Variants in RELL1 observed in about 807,000 individuals in gnomAD.
RELL1 encodes RELT like 1, also known as RELT-like protein 1.
Under a neutral mutation model 23.0 loss-of-function variants are expected in RELL1, and 10 were observed. The observed-to-expected ratio is 0.43, with a 90% CI of 0.27 to 0.74. RELL1 has a LOEUF of 0.74. Ranked by LOEUF, RELL1 falls within the 30% of genes least tolerant of loss-of-function variation. The pLI, the probability that RELL1 is intolerant of heterozygous loss-of-function variation, is 0.19. For missense variants in RELL1, 315 were observed against 364.4 expected (o/e 0.86, Z 1.10); for synonymous variants, 146 against 146.8 (o/e 0.99, Z 0.04).
At chr4:37,654,095 G>C (rs1721041374) in intron 1 of RELL1, among the ~76,000 whole-genome samples, 1 of 152,208 alleles carries the variant, frequency 6.6e-6, no homozygotes, top group South Asian at 2.1e-4. Context: ...ATATTAATAT[G>C]TAAAGCATTC....
In RELL1 at chr4:37,612,106, G is replaced by A. The variant is rs1719406556; in HGVS notation, c.*1240C>T. ...GCAGGAGAATGGCGTGAACTCAGAA[G>A]GTGGAGCTTGCAGTGAGCTGAGATC... On this transcript the variant is annotated 3_prime_UTR_variant, in exon 7 of 7. Transcript: ENST00000454158. Among the ~76,000 whole-genome samples, 1 of 140,290 alleles carries A rather than the reference G, an allele frequency of 7.1e-6. No individual in the cohort carries two copies. The highest frequency in any genetic ancestry group is 1.5e-5 in the Non-Finnish European group (1 of 66,608). The allele number at this position is 140,290 out of a possible 152,430, so 92.0% of individuals were successfully genotyped here. A position where few individuals can be genotyped will look rare whatever the true frequency, so the allele number is the denominator to read the frequency against.
chr4:37,594,460 C>T (rs192847113), intron 6 of RELL1, among the ~76,000 whole-genome samples: 161 of 152,228 alleles, frequency 1.1e-3, no homozygotes, highest in Non-Finnish European at 1.9e-3. Context: ...AATTGCATCA[C>T]GTGGATATTT....
In RELL1 at chr4:37,686,348, C is replaced by A; in HGVS notation, c.-61G>T. 7.6e-7 allele frequency: 1 copy of A among 1,318,190 alleles called. No homozygotes were observed. The highest frequency in any genetic ancestry group is 1.0e-6 in the Non-Finnish European group (1 of 1,002,536). The allele number at this position is 1,318,190 out of a possible 1,614,324, so 81.7% of individuals were successfully genotyped here. ...GCGTCCCGCGCTCGGGAAGGCAGAG[C>A]CGCTCCGGAGCCGGCGGGCTGATCG... On this transcript the variant is annotated 5_prime_UTR_variant, in exon 1 of 7. Coordinates refer to ENST00000454158, the MANE Select transcript of RELL1 (RefSeq NM_001085400.2).
rs149779234 is a variant in RELL1 at position 37,631,427 on chromosome 4, C to A, written c.777G>T (p.Pro259=). Residue 259 remains proline, a synonymous_variant, in exon 6 of 7, where the codon CCG becomes CCT. Transcript: ENST00000454158. ...SGAETVNGEV[P]ATPVKRERSG... ...TGCGTTCTCTCTTCACAGGTGTTGC[C>A]GGCACCTCCCCATTGACGGTTTCAG... 20 of 1,613,972 alleles carry A rather than the reference C, an allele frequency of 1.2e-5. No individual in the cohort carries two copies. The Middle Eastern group carries it at 4.9e-4, about 40-fold the overall frequency.
chr4:37,630,218 C>T (rs570984098), intron 6 of RELL1, among the ~76,000 whole-genome samples: 13 of 151,684 alleles, frequency 8.6e-5, no homozygotes, highest in East Asian at 7.8e-4. Flanking sequence ...CCTCCCAAAT[C>T]GTCACCGTTG....
In RELL1 at chr4:37,596,260, C is replaced by T. The variant is rs370698016; in HGVS notation, c.*4-5043G>A. 2.0e-3 allele frequency among the ~76,000 whole-genome samples: 311 copies of T among 152,232 alleles called. 1 individual carries two copies. The highest frequency in any genetic ancestry group is 7.3e-3 in the African/African-American group (303 of 41,548). On this transcript the variant is annotated intron_variant, in intron 6 of 6. Coordinates refer to the RELL1 transcript ENST00000314117. ...CATTCCTATTTCTAAGAATTGAAAG[C>T]GCACATTCTCAAACTTCAGTGTGCC...
rs113906762 is a variant in RELL1, at chr4:37,612,323, A to T, written c.*1023T>A. Among the ~76,000 whole-genome samples the T allele has an allele frequency of 0.024, 326 of 13,848 alleles. 3 individuals are homozygous for T. The highest frequency in any genetic ancestry group is 0.034 in the South Asian group (16 of 464). 9.1% of individuals were successfully genotyped at this position (13,848 alleles called of 152,430 possible). A position where few individuals can be genotyped will look rare whatever the true frequency, so the allele number is the denominator to read the frequency against. Reference sequence around the variant, plus strand: ...ACCAAGAATCGCTCAGCTAAAGGTTAAAAAAAAAAAAAAAACAAAAAAAAA... The same window carrying T: ...ACCAAGAATCGCTCAGCTAAAGGTTTAAAAAAAAAAAAAAACAAAAAAAAA... On this transcript the variant is annotated 3_prime_UTR_variant, in exon 7 of 7. Transcript: ENST00000454158.
intron 6 of RELL1, among the ~76,000 whole-genome samples, chr4:37,628,906 A>C (rs1457790975): frequency 6.6e-6 from 1 of 152,164 alleles, no homozygotes; most frequent in Non-Finnish European, 1.5e-5. Context: ...TGTGGTCAGG[A>C]CTTCAGATGC....
rs938946688 is a variant in RELL1, at chr4:37,668,431, T to C, written c.88+17769A>G. Among the ~76,000 whole-genome samples, 8 of 152,280 alleles carry C rather than the reference T, an allele frequency of 5.3e-5. No individual in the cohort carries two copies. In the East Asian group the frequency reaches 1.5e-3, roughly 29 times the overall value. On this transcript the variant is annotated intron_variant, in intron 1 of 6. Coordinates refer to ENST00000454158, the MANE Select transcript of RELL1 (RefSeq NM_001085400.2). ...CGGGGTTTCGCTGTGTTGGCCAGGC[T>C]GGTCTCCAGCTCCTAACCGCGAGTG...
intron 1 of RELL1, among the ~76,000 whole-genome samples, chr4:37,658,894 A>G (rs1035203812): frequency 6.6e-6 from 1 of 152,172 alleles, no homozygotes; most frequent in Non-Finnish European, 1.5e-5. Context: ...AAATGTTCCC[A>G]CCAGACTCCA....
chr4:37,638,538 T>C (rs755662775), intron 3 of RELL1, 34 bp from the exon 4 acceptor site: 4 of 1,483,624 alleles, frequency 2.7e-6, no homozygotes, highest in East Asian at 2.4e-5. Context: ...AGAATTAAAA[T>C]AGAATGAATA....
rs59763359 is a variant in RELL1, at chr4:37,630,356, G to GTTT, written c.*3+1026_*3+1028dup. ...CAGGGTTCTGGTGCGTGTGTGTGTG[G>GTTT]TTTTTTTTTTTTTTTTTTTTTTTTT... is the stretch of plus-strand genomic sequence containing the variant. On this transcript the variant is annotated intron_variant, in intron 6 of 6. Coordinates refer to ENST00000454158, the MANE Select transcript of RELL1 (RefSeq NM_001085400.2). Among the ~76,000 whole-genome samples, 43 of 86,734 alleles carry GTTT rather than the reference G, an allele frequency of 5.0e-4. 2 individuals are homozygous for GTTT. The highest frequency in any genetic ancestry group is 8.7e-4 in the South Asian group (2 of 2,304). The allele number at this position is 86,734 out of a possible 152,430, so 56.9% of individuals were successfully genotyped here.
At chr4:37,656,323 G>A (rs1721115322) in intron 1 of RELL1, among the ~76,000 whole-genome samples, 1 of 152,144 alleles carries the variant, frequency 6.6e-6, no homozygotes, top group Non-Finnish European at 1.5e-5. Context: ...AAACCAGAGA[G>A]TAGAATGGTG....
In RELL1 at chr4:37,602,946, A is replaced by G. The variant is rs558262733; in HGVS notation, c.*4-11729T>C. Reference sequence around the variant, plus strand: ...CACAAGCTCCCAGGTGAGAAAATGGAGCGTCCGATGAGAAAAACAATAAAG... The same window carrying G: ...CACAAGCTCCCAGGTGAGAAAATGGGGCGTCCGATGAGAAAAACAATAAAG... On this transcript the variant is annotated intron_variant, in intron 6 of 6. Transcript: ENST00000314117. 7.9e-5 allele frequency among the ~76,000 whole-genome samples: 12 copies of G among 152,334 alleles called. No homozygotes were observed. The South Asian group carries it at 2.5e-3, about 32-fold the overall frequency.
chr4:37,628,991 T>G (rs1720040316), intron 6 of RELL1, among the ~76,000 whole-genome samples: 1 of 152,202 alleles, frequency 6.6e-6, no homozygotes, highest in Non-Finnish European at 1.5e-5. Context: ...TAATTCCTTC[T>G]AACCTTCCCA....
chr4:37,633,081 T>A (rs1403107643), intron 5 of RELL1, among the ~76,000 whole-genome samples: 11 of 152,126 alleles, frequency 7.2e-5, no homozygotes, highest in Non-Finnish European at 1.6e-4. Context: ...GTATCCAATA[T>A]CCAAGAAAGA....
intron 6 of RELL1, among the ~76,000 whole-genome samples, chr4:37,599,135 G>C (rs1174962147): frequency 6.6e-6 from 1 of 152,112 alleles, no homozygotes; most frequent in Non-Finnish European, 1.5e-5. Context: ...ATTAAAAGGG[G>C]GTTTTGTTCT....
intron 1 of RELL1, among the ~76,000 whole-genome samples, chr4:37,674,201 C>T (rs1721938701): frequency 6.6e-6 from 1 of 152,248 alleles, no homozygotes; most frequent in African/African-American, 2.4e-5. Flanking sequence ...TCCCCCTTCT[C>T]AATCACAAGT....
intron 3 of RELL1, 71 bp downstream of exon 3, chr4:37,647,297 G>T: frequency 1.9e-6 from 2 of 1,029,604 alleles, no homozygotes; most frequent in South Asian, 2.6e-5. Flanking sequence ...TATAAATCTT[G>T]ACTCTTCGAA....
Sources: gnomAD v4.1 joint callset for allele counts (sites outside exome capture counted in the v4.1 genomes callset) on GRCh38, gnomAD v4.1.1 for gene constraint, MANE v1.5 for transcripts, NCBI Gene and HGNC (gene_info 2026-07-23, HGNC 2026-07-21) for gene names.